MGST1: variants seen among roughly 807,000 people sequenced by gnomAD.
The protein encoded by MGST1 is microsomal glutathione S-transferase 1.
MGST1 carries 5 observed loss-of-function variants against 8.9 expected under a neutral mutation model. The ratio of observed to expected loss-of-function variants is 0.56; its 90% CI spans 0.29 to 1.19. The LOEUF (loss-of-function observed/expected upper bound fraction) is 1.19. Ranked by LOEUF, MGST1 falls within the 50% of genes most tolerant of loss-of-function variation. The probability of loss-of-function intolerance (pLI) is 0.08; values close to 1 mark genes in which losing one functional copy is unlikely to be tolerated. For missense variants in MGST1, 182 were observed against 187.4 expected, an observed-to-expected ratio of 0.97 and a Z score of 0.17; for synonymous variants, 54 against 67.8, an observed-to-expected ratio of 0.80 and a Z score of 1.00.
rs1940676874 is a variant in MGST1, at chr12:16,403,540, T to G, written n.778+19936T>G. Among the ~76,000 whole-genome samples the G allele has an allele frequency of 2.0e-5, 3 of 152,092 alleles. No individual in the cohort carries two copies. The South Asian group carries it at 6.2e-4, about 32-fold the overall frequency. On this transcript the variant is annotated intron_variant and non_coding_transcript_variant, in intron 1 of 1. Coordinates refer to the MGST1 transcript ENST00000359720. ...GATTGGTGCAAAAGTAATTGCTGTT[T>G]TCACCATTTTTTAATGTCAAAACTG...
intron 4 of MGST1, among the ~76,000 whole-genome samples, chr12:16,534,420 G>A (rs1017129984): frequency 6.6e-6 from 1 of 152,072 alleles, no homozygotes; most frequent in African/African-American, 2.4e-5. Flanking sequence ...ACCATCACTG[G>A]CTGGATTCCC....
downstream of MGST1, among the ~76,000 whole-genome samples, chr12:16,368,344 T>C (rs184092000): frequency 6.6e-6 from 1 of 152,304 alleles, no homozygotes; most frequent in Admixed American, 6.5e-5. Context: ...CTGAGTTGCA[T>C]AGTTGCATCA....
At position 16,493,017 on chromosome 12, in the gene MGST1, G is replaced by A. The variant is rs191717686; in HGVS notation, n.483-96511G>A. ...TAGGCACAGTAATTTTCTCCCCCGA[G>A]GAATGCACATGTGAGTAGGCTAAGG... On this transcript the variant is annotated intron_variant and non_coding_transcript_variant, in intron 4 of 4. Coordinates refer to the MGST1 transcript ENST00000538857. 2.6e-5 allele frequency among the ~76,000 whole-genome samples: 4 copies of A among 152,248 alleles called. No individual in the cohort carries two copies. In the East Asian group the frequency reaches 7.7e-4, roughly 29 times the overall value.
chr12:16,519,502 T>C (rs546725061), intron 4 of MGST1, among the ~76,000 whole-genome samples: 1 of 152,316 alleles, frequency 6.6e-6, no homozygotes, highest in South Asian at 2.1e-4. Context: ...CATTCAAGTA[T>C]ATGCACTAGA....
At chr12:16,493,848 C>G (rs1941454261) in intron 4 of MGST1, among the ~76,000 whole-genome samples, 1 of 151,106 alleles carries the variant, frequency 6.6e-6, no homozygotes, top group Non-Finnish European at 1.5e-5. Context: ...TTCTCTGAAA[C>G]TTTATGTCAG....
At chr12:16,510,666 C>T (rs1941571036) in intron 4 of MGST1, among the ~76,000 whole-genome samples, 4 of 152,160 alleles carry the variant, frequency 2.6e-5, no homozygotes, top group Admixed American at 2.6e-4. Flanking sequence ...TTTGCTTAAT[C>T]CAGAAACCGT....
chr12:16,401,083 G>A lies in MGST1; in HGVS notation n.778+17479G>A. 6.3e-7 allele frequency: 1 copy of A among 1,593,672 alleles called. No homozygotes were observed. Among genetic ancestry groups the A allele is most frequent in the Non-Finnish European group, 8.6e-7 (1 of 1,162,108 alleles). On this transcript the variant is annotated intron_variant and non_coding_transcript_variant, in intron 1 of 1. Transcript: ENST00000359720. This position sits in a 1 kb window ranked among gnomAD's most constrained non-coding sequence, Gnocchi z 4.3. ...AGAACCTCTTCCCAAAAGGTCCTCTGCCTCATCTTTCTCCTCCTCCTCCTT... is the reference window on the plus strand; with the variant it reads ...AGAACCTCTTCCCAAAAGGTCCTCTACCTCATCTTTCTCCTCCTCCTCCTT...
intron 4 of MGST1, chr12:16,573,710 C>T (rs1942900735): frequency 6.6e-6 from 1 of 152,214 alleles, no homozygotes; most frequent in Non-Finnish European, 1.5e-5. Context: ...AGTTTTCTCA[C>T]CCTAATGACC....
chr12:16,501,123 GAA>G (rs1941503729), intron 4 of MGST1, among the ~76,000 whole-genome samples: 1 of 140,078 alleles, frequency 7.1e-6, no homozygotes, highest in African/African-American at 2.6e-5. Flanking sequence ...AAAAAAGAAA[GAA>G]AGAGTACTTA....
chr12:16,400,189 G>C (rs1250358770), intron 1 of MGST1: 1 of 1,041,068 alleles, frequency 9.6e-7, no homozygotes, highest in African/African-American at 1.6e-5. Context: ...GTCCGTGGTT[G>C]TCTCTCCCAC....
chr12:16,448,757 C>T (rs1414994214), intron 4 of MGST1, among the ~76,000 whole-genome samples: 1 of 151,842 alleles, frequency 6.6e-6, no homozygotes, highest in East Asian at 1.9e-4. Flanking sequence ...TTTTGGAGGA[C>T]CTTTATTTCT....
intron 1 of MGST1, among the ~76,000 whole-genome samples, chr12:16,434,367 G>A (rs1001006964): frequency 2.6e-5 from 4 of 151,838 alleles, no homozygotes; most frequent in African/African-American, 9.7e-5. Flanking sequence ...ATTAAACAAC[G>A]GAAATTTCTA....
At chr12:16,358,514 T>A (rs909004140) in intron 3 of MGST1, among the ~76,000 whole-genome samples, 10 of 151,958 alleles carry the variant, frequency 6.6e-5, no homozygotes, top group Non-Finnish European at 1.5e-4. Flanking sequence ...TCACCTAGGC[T>A]GGAGTGCAAT....
intron 1 of MGST1, among the ~76,000 whole-genome samples, chr12:16,404,785 C>G (rs1333455845): frequency 6.6e-6 from 1 of 152,152 alleles, no homozygotes; most frequent in African/African-American, 2.4e-5. Context: ...CTCATTACCA[C>G]TTTATCTTGC....
chr12:16,533,117 G>A (rs184701899), intron 4 of MGST1, among the ~76,000 whole-genome samples: 84 of 152,262 alleles, frequency 5.5e-4, no homozygotes, highest in Middle Eastern at 3.4e-3. Context: ...TATTTAAAGA[G>A]TCAGTCTGAT....
Position 16,482,179 on chromosome 12 carries a change from C to T in MGST1, n.482+98575C>T, listed in dbSNP as rs1231991268. Among the ~76,000 whole-genome samples, 1 of 152,102 alleles carries T rather than the reference C, an allele frequency of 6.6e-6. No homozygotes were observed. Among genetic ancestry groups the T allele is most frequent in the African/African-American group, 2.4e-5 (1 of 41,408 alleles). ...CATGAAAACCAAAGCAAATTACCAC[C>T]AGTAGACCTCCAAATTCTGAACTTC... On this transcript the variant is annotated intron_variant and non_coding_transcript_variant, in intron 4 of 4. Coordinates refer to the MGST1 transcript ENST00000538857. This position sits in a 1 kb window ranked among gnomAD's most constrained non-coding sequence, Gnocchi z 4.2.
intron 4 of MGST1, among the ~76,000 whole-genome samples, chr12:16,570,967 G>C (rs1942792802): frequency 6.6e-6 from 1 of 152,012 alleles, no homozygotes; most frequent in Non-Finnish European, 1.5e-5. Context: ...TTATCAGCAT[G>C]GCACATGTAT....
In MGST1 at chr12:16,548,238, G is replaced by A. The variant is rs1174945350; in HGVS notation, n.483-41290G>A. On this transcript the variant is annotated intron_variant and non_coding_transcript_variant, in intron 4 of 4. Transcript: ENST00000538857. The surrounding 1 kb of genome is among the most constrained non-coding windows in gnomAD (Gnocchi z 4.2). ...AACATTACATTCAGAGAAACATTTG[G>A]GGTGCTTTGTCTATGCTTGTTATGA... 6.6e-6 allele frequency: 1 copy of A among 151,952 alleles called. No individual in the cohort carries two copies. The highest frequency in any genetic ancestry group is 6.6e-5 in the Admixed American group (1 of 15,246). The allele number at this position is 151,952 out of a possible 1,614,324, so 9.4% of individuals were successfully genotyped here.
chr12:16,496,106 C>G (rs1261337571), intron 4 of MGST1, among the ~76,000 whole-genome samples: 1 of 152,080 alleles, frequency 6.6e-6, no homozygotes, highest in Non-Finnish European at 1.5e-5. Flanking sequence ...TTAGCCAAAT[C>G]AAATATATAC....
Sources: allele counts gnomAD v4.1 joint callset (sites outside exome capture counted in the v4.1 genomes callset), GRCh38; gene constraint gnomAD v4.1.1; non-coding constraint Gnocchi (gnomAD v3.1); transcripts MANE v1.5; gene names NCBI Gene and HGNC (gene_info 2026-07-23, HGNC 2026-07-21).